EVI5: variants seen among roughly 807,000 people sequenced by gnomAD.
EVI5 encodes the protein ecotropic viral integration site 5 protein homolog.
A neutral mutation model predicts 112.0 loss-of-function variants in EVI5; 73 were observed. The ratio of observed to expected loss-of-function variants is 0.65; its 90% CI spans 0.54 to 0.79. The LOEUF (loss-of-function observed/expected upper bound fraction) is 0.79. Among genes scored for constraint, EVI5 ranks in the 30% least tolerant of loss-of-function variants. EVI5 has a pLI of 0.00. For synonymous variants in EVI5, 305 were observed against 319.9 expected (o/e 0.95, Z 0.50); for missense variants, 900 against 968.8 (o/e 0.93, Z 0.94).
At chr1:92,615,537 T>C (rs1220628980) in intron 16 of EVI5, among the ~76,000 whole-genome samples, 1 of 152,154 alleles carries the variant, frequency 6.6e-6, no homozygotes, top group African/African-American at 2.4e-5. Context: ...GCTGGGGACA[T>C]AGAGGTTTGT....
chr1:92,562,029 T>C (rs997348547), intron 19 of EVI5, among the ~76,000 whole-genome samples: 1 of 152,232 alleles, frequency 6.6e-6, no homozygotes, highest in Non-Finnish European at 1.5e-5. Flanking sequence ...AGTCAATCTA[T>C]ACGTAACTTT....
chr1:92,681,460 C>T lies in EVI5; in HGVS notation c.1098-4242G>A, dbSNP rs186972877. 7.9e-5 allele frequency among the ~76,000 whole-genome samples: 12 copies of T among 152,136 alleles called. No individual in the cohort carries two copies. In the East Asian group the frequency reaches 1.5e-3, roughly 20 times the overall value. On this transcript the variant is annotated intron_variant, in intron 9 of 19. Coordinates refer to ENST00000684568, the MANE Select transcript of EVI5 (RefSeq NM_001350197.2). ...CCCCTTAAGTTTAAAAGTATACCAA[C>T]GTAAAAATTCATCAAAAAAAAGTCA...
At chr1:92,630,608 T>A (rs1212600440) in intron 14 of EVI5, among the ~76,000 whole-genome samples, 1 of 152,108 alleles carries the variant, frequency 6.6e-6, no homozygotes, top group Non-Finnish European at 1.5e-5. Context: ...TTTTCTCCCA[T>A]TCTGTAGGTT....
chr1:92,757,254 A>C (rs2102964942), intron 1 of EVI5, among the ~76,000 whole-genome samples: 1 of 152,338 alleles, frequency 6.6e-6, no homozygotes, highest in South Asian at 2.1e-4. Flanking sequence ...ACAACAGAAA[A>C]TTTGGACAGA....
chr1:92,760,218 C>T (rs942186655), intron 1 of EVI5, among the ~76,000 whole-genome samples: 1 of 151,858 alleles, frequency 6.6e-6, no homozygotes, highest in African/African-American at 2.4e-5. Context: ...TGAAAAGATA[C>T]AAAGTAAGGA....
chr1:92,543,924 G>A (rs1283379091), intron 19 of EVI5, among the ~76,000 whole-genome samples: 3 of 152,110 alleles, frequency 2.0e-5, no homozygotes, highest in Non-Finnish European at 2.9e-5. Flanking sequence ...TTATTGAGGC[G>A]CAATAAAGCA....
intron 2 of EVI5, among the ~76,000 whole-genome samples, chr1:92,714,843 G>A (rs983211973): frequency 5.9e-5 from 9 of 152,006 alleles, no homozygotes; most frequent in Non-Finnish European, 1.2e-4. Flanking sequence ...CTCCCACCTC[G>A]GACTCCCAAA....
Position 92,655,526 on chromosome 1 carries a change from C to T in EVI5, c.1392+7193G>A, listed in dbSNP as rs182528877. On this transcript the variant is annotated intron_variant, in intron 13 of 19. Coordinates refer to ENST00000684568, the MANE Select transcript of EVI5 (RefSeq NM_001350197.2). ...AGGTCAATACTCAACATCATAAAAA[C>T]AGACAAAAGTATAAAACTTACAGGT... Among the ~76,000 whole-genome samples, 422 of 152,170 alleles carry T rather than the reference C, an allele frequency of 2.8e-3. 1 individual carries two copies. The highest frequency in any genetic ancestry group is 7.7e-3 in the South Asian group (37 of 4,826).
chr1:92,598,885 G>A (rs755616862), intron 18 of EVI5, among the ~76,000 whole-genome samples: 2 of 152,050 alleles, frequency 1.3e-5, no homozygotes, highest in Non-Finnish European at 2.9e-5. Flanking sequence ...ACAGGGTGGT[G>A]GAGGAGGCAT....
intron 13 of EVI5, among the ~76,000 whole-genome samples, chr1:92,657,145 C>T (rs927092962): frequency 2.0e-5 from 3 of 152,054 alleles, no homozygotes; most frequent in Admixed American, 2.0e-4. Context: ...TCCTAGCAAA[C>T]CAAATCCAGC....
At chr1:92,600,446 AATT>A (rs1648901047) in intron 18 of EVI5, among the ~76,000 whole-genome samples, 3 of 152,134 alleles carry the variant, frequency 2.0e-5, no homozygotes, top group Admixed American at 2.0e-4. Flanking sequence ...ATAATTTTTA[AATT>A]ATTAAACCAT....
intron 2 of EVI5, among the ~76,000 whole-genome samples, chr1:92,714,359 G>T (rs1673296232): frequency 6.6e-6 from 1 of 152,144 alleles, no homozygotes; most frequent in African/African-American, 2.4e-5. Context: ...TTGGGGAAGG[G>T]AAGAATAAAT....
chr1:92,638,731 T>C (rs1434560603), intron 13 of EVI5, among the ~76,000 whole-genome samples: 3 of 152,158 alleles, frequency 2.0e-5, no homozygotes, highest in East Asian at 1.9e-4. Context: ...AGGAAACTAA[T>C]AGGGTACACC....
At chr1:92,524,507 A>T (rs1045715964) in intron 19 of EVI5, among the ~76,000 whole-genome samples, 15 of 152,206 alleles carry the variant, frequency 9.9e-5, no homozygotes, top group Non-Finnish European at 2.1e-4. Context: ...TTAAGATATG[A>T]CCTATTCTTT....
intron 15 of EVI5, 193 bp downstream of exon 15, chr1:92,625,601 T>C (rs1269809414): frequency 2.3e-5 from 11 of 477,708 alleles, no homozygotes; most frequent in Non-Finnish European, 3.4e-5. Context: ...TTTTATTTTA[T>C]TATAAGAATT....
intron 13 of EVI5, among the ~76,000 whole-genome samples, chr1:92,640,634 G>T (rs1323536038): frequency 6.6e-6 from 1 of 152,164 alleles, no homozygotes; most frequent in Non-Finnish European, 1.5e-5. Context: ...GGACAGATAG[G>T]AATGCTTTTA....
chr1:92,663,386 G>A (rs777814365), intron 12 of EVI5, 34 bp downstream of exon 12: 22 of 1,172,526 alleles, frequency 1.9e-5, no homozygotes, highest in Middle Eastern at 2.0e-4. Flanking sequence ...TAGAGAAGAT[G>A]TTTTAAAAAA....
chr1:92,748,043 T>G (rs1679574254), intron 1 of EVI5, among the ~76,000 whole-genome samples: 1 of 152,172 alleles, frequency 6.6e-6, no homozygotes, highest in African/African-American at 2.4e-5. Flanking sequence ...GGTACTGTGA[T>G]AGCTGGACTT....
chr1:92,744,585 ATC>A (rs3220876), intron 1 of EVI5, among the ~76,000 whole-genome samples: 9,533 of 119,998 alleles, frequency 0.079, 361 homozygotes, highest in Non-Finnish European at 0.11. Flanking sequence ...TATGCCAAAT[ATC>A]TCTCTCTCTC....
Sources: allele counts gnomAD v4.1 joint callset (sites outside exome capture counted in the v4.1 genomes callset), GRCh38; gene constraint gnomAD v4.1.1; transcripts MANE v1.5; gene names NCBI Gene and HGNC (gene_info 2026-07-23, HGNC 2026-07-21).